The following LGR4 variants were observed in gnomAD, a reference collection of about 807,000 sequenced individuals.
LGR4 encodes leucine-rich repeat-containing G protein-coupled receptor 4.
Under a neutral mutation model 84.8 loss-of-function variants are expected in LGR4, and 44 were observed. That is an observed-to-expected ratio of 0.52 (90% CI 0.41 to 0.67). LGR4 has a LOEUF of 0.67. Ranked by LOEUF, LGR4 falls within the 30% of genes least tolerant of loss-of-function variation. The pLI is 0.00. For synonymous variants in LGR4, 429 were observed against 434.3 expected, an observed-to-expected ratio of 0.99 and a Z score of 0.15; for missense variants, 1,032 against 1,131.4, an observed-to-expected ratio of 0.91 and a Z score of 1.26.
intron 1 of LGR4, among the ~76,000 whole-genome samples, chr11:27,439,744 C>G (rs142282053): frequency 3.6e-4 from 55 of 152,182 alleles, no homozygotes; most frequent in African/African-American, 1.3e-3. Context: ...TTTTGTCTAC[C>G]TCTCTCTGCT....
intron 1 of LGR4, among the ~76,000 whole-genome samples, chr11:27,421,052 T>C (rs760259323): frequency 1.3e-5 from 2 of 152,194 alleles, no homozygotes; most frequent in Non-Finnish European, 2.9e-5. Context: ...TGTGGAAAGC[T>C]GCCAGCAAAG....
intron 1 of LGR4, among the ~76,000 whole-genome samples, chr11:27,414,937 G>A (rs2133401569): frequency 6.6e-6 from 1 of 152,168 alleles, no homozygotes; most frequent in African/African-American, 2.4e-5. Context: ...GTTTATTCAT[G>A]GAGGAGTCTA....
chr11:27,366,526 AT>A lies in LGR4; in HGVS notation c.*1340del, dbSNP rs947570985. 6.6e-6 allele frequency: 1 copy of A among 152,634 alleles called. No individual in the cohort carries two copies. Among genetic ancestry groups the A allele is most frequent in the Admixed American group, 6.5e-5 (1 of 15,290 alleles). The allele number at this position is 152,634 out of a possible 1,614,324, so 9.5% of individuals were successfully genotyped here. ...AATTATTAAACTGCAATCTAGCTGG[AT>A]TTTTTTAGTATATTCAGAATAACTA... On this transcript the variant is annotated 3_prime_UTR_variant, in exon 18 of 18. Transcript: ENST00000379214.
In LGR4 at chr11:27,366,639, G is replaced by A. The variant is rs1258579640; in HGVS notation, c.*1228C>T. The A allele has an allele frequency of 6.6e-6, 1 of 152,366 alleles. No individual in the cohort carries two copies. The highest frequency in any genetic ancestry group is 1.5e-5 in the Non-Finnish European group (1 of 67,922). The allele number at this position is 152,366 out of a possible 1,614,324, so 9.4% of individuals were successfully genotyped here. A position where few individuals can be genotyped will look rare whatever the true frequency, so the allele number is the denominator to read the frequency against. On this transcript the variant is annotated 3_prime_UTR_variant, in exon 18 of 18. Coordinates refer to ENST00000379214, the MANE Select transcript of LGR4 (RefSeq NM_018490.5). ...AACTTTAAGACTCCACCCAGTAATAGGTCTAAAGCCCATAGATGGGAATCA... is the reference window on the plus strand; with the variant it reads ...AACTTTAAGACTCCACCCAGTAATAAGTCTAAAGCCCATAGATGGGAATCA...
intron 7 of LGR4, 121 bp from the exon 8 acceptor site, chr11:27,381,087 C>A: frequency 1.8e-6 from 1 of 568,382 alleles, no homozygotes; most frequent in Non-Finnish European, 3.2e-6. Flanking sequence ...TGAAAATTTT[C>A]AAAAGCATAG....
Position 27,372,389 on chromosome 11 carries a change from T to C in LGR4, c.1389A>G (p.Ser463=). The C allele has an allele frequency of 6.2e-7, 1 of 1,601,516 alleles. No homozygotes were observed. Among genetic ancestry groups the C allele is most frequent in the Non-Finnish European group, 8.6e-7 (1 of 1,168,754 alleles). The change falls in exon 16 of 18, where the codon TCA becomes TCG. Residue 463 remains serine (S), a synonymous_variant. Coordinates refer to ENST00000379214, the MANE Select transcript of LGR4 (RefSeq NM_018490.5). ...CACAGCACTGATAAGCATATGGTAC[T>C]GATAAAGACCTGGAAAAAAAAGTTG... ...AKDFVNLRSL[S]VPYAYQCCAF...
At chr11:27,419,530 C>G (rs1863884189) in intron 1 of LGR4, among the ~76,000 whole-genome samples, 1 of 149,926 alleles carries the variant, frequency 6.7e-6, no homozygotes, top group Non-Finnish European at 1.5e-5. Context: ...TAAACATATA[C>G]TTATGACTAT....
Position 27,368,375 on chromosome 11 carries a change from T to C in LGR4, c.2348A>G (p.Lys783Arg), listed in dbSNP as rs772014305. The C allele has an allele frequency of 1.9e-6, 3 of 1,614,172 alleles. No homozygotes were observed. Among genetic ancestry groups the C allele is most frequent in the Middle Eastern group, 1.6e-4 (1 of 6,062 alleles). The change falls in exon 18 of 18, where the codon AAG (lysine) becomes AGG (arginine). Residue 783 changes from lysine to arginine, a missense_variant. By Grantham distance (26) the Lys-to-Arg change is conservative. Coordinates refer to ENST00000379214, the MANE Select transcript of LGR4 (RefSeq NM_018490.5). The stretch of plus-strand genomic sequence containing the variant: ...TGGAAAAAATATCAGAGTAACAGAC[T>C]TCATTATTTCGGGGCTGATAGAGAT... ...TAISISPEIM[K>R]SVTLIFFPLP...
At chr11:27,453,331 T>G (rs1864518448) in intron 1 of LGR4, among the ~76,000 whole-genome samples, 2 of 152,120 alleles carry the variant, frequency 1.3e-5, no homozygotes, top group African/African-American at 4.8e-5. Context: ...CCTCCCAAAG[T>G]GCTGGGATTA....
At chr11:27,389,923 T>G (rs1024030305) in intron 4 of LGR4, among the ~76,000 whole-genome samples, 4 of 152,148 alleles carry the variant, frequency 2.6e-5, no homozygotes, top group African/African-American at 9.7e-5. Context: ...TAACTTACCA[T>G]TTTAGTGAAG....
chr11:27,367,596 T>C lies in LGR4; in HGVS notation c.*271A>G, dbSNP rs956285888. ...TGGATCAGAAAAAACTAACATTATA[T>C]TGCTCTACTACACCTAAGATCCTTT... On this transcript the variant is annotated 3_prime_UTR_variant, in exon 18 of 18. Coordinates refer to ENST00000379214, the MANE Select transcript of LGR4 (RefSeq NM_018490.5). 1 of 280,166 alleles carries C rather than the reference T, an allele frequency of 3.6e-6. No individual in the cohort carries two copies. The highest frequency in any genetic ancestry group is 6.7e-6 in the Non-Finnish European group (1 of 150,074). The allele number at this position is 280,166 out of a possible 1,614,324, so 17.4% of individuals were successfully genotyped here.
chr11:27,371,517 C>A, intron 17 of LGR4, 98 bp downstream of exon 17: 1 of 809,480 alleles, frequency 1.2e-6, no homozygotes, highest in Non-Finnish European at 2.0e-6. Context: ...CTAGTACCAT[C>A]CCTATTACAG....
At chr11:27,430,903 C>T (rs745677918) in intron 1 of LGR4, among the ~76,000 whole-genome samples, 8 of 151,962 alleles carry the variant, frequency 5.3e-5, no homozygotes, top group Non-Finnish European at 1.0e-4. Context: ...TCCCAGCTCC[C>T]CCAACCCCCA....
intron 1 of LGR4, among the ~76,000 whole-genome samples, chr11:27,423,819 A>G (rs1368546978): frequency 6.6e-6 from 1 of 152,236 alleles, no homozygotes; most frequent in Admixed American, 6.5e-5. Flanking sequence ...ACAAACAAAA[A>G]GGTTAAATTC....
At chr11:27,381,588 G>A (rs964604290) in intron 7 of LGR4, among the ~76,000 whole-genome samples, 2 of 152,132 alleles carry the variant, frequency 1.3e-5, no homozygotes, top group Non-Finnish European at 2.9e-5. Flanking sequence ...AAGCTAAGAT[G>A]GGAGGATCAC....
intron 1 of LGR4, among the ~76,000 whole-genome samples, chr11:27,441,126 A>G (rs978100742): frequency 4.6e-5 from 7 of 152,230 alleles, no homozygotes; most frequent in Non-Finnish European, 1.0e-4. Context: ...GACACAGTTA[A>G]GCAAACAGAA....
chr11:27,433,318 T>C (rs919548285), intron 1 of LGR4, among the ~76,000 whole-genome samples: 2 of 152,148 alleles, frequency 1.3e-5, no homozygotes, highest in Non-Finnish European at 2.9e-5. Context: ...GTTCTCGCCA[T>C]TCTCCTGCCT....
chr11:27,373,560 A>ACAAAGTCTTTTG lies in LGR4; in HGVS notation c.1358_1369dup (p.Ala453_Phe456dup). On this transcript the variant is annotated inframe_insertion, in exon 15 of 18. Coordinates refer to ENST00000379214, the MANE Select transcript of LGR4 (RefSeq NM_018490.5). ...ATAAGCAAAAACACACCTGAGGTTA[A>ACAAAGTCTTTTG]CAAAGTCTTTTGCTGCTAAGGCTTC... 3 of 1,575,124 alleles carry ACAAAGTCTTTTG rather than the reference A, an allele frequency of 1.9e-6. No homozygotes were observed. The highest frequency in any genetic ancestry group is 2.6e-6 in the Non-Finnish European group (3 of 1,157,876).
intron 14 of LGR4, 31 bp from the exon 15 acceptor site, chr11:27,373,707 C>G: frequency 6.6e-7 from 1 of 1,520,790 alleles, no homozygotes; most frequent in East Asian, 2.3e-5. Context: ...CAAGTTAATG[C>G]CCAATATATA....
Sources: allele counts gnomAD v4.1 joint callset (sites outside exome capture counted in the v4.1 genomes callset), GRCh38; gene constraint gnomAD v4.1.1; transcripts MANE v1.5; gene names NCBI Gene and HGNC (gene_info 2026-07-23, HGNC 2026-07-21).